Variants in WWOX observed in about 807,000 individuals in gnomAD.
The protein encoded by WWOX is WW domain-containing oxidoreductase.
WWOX carries 69 observed loss-of-function variants against 46.2 expected under a neutral mutation model. The observed-to-expected ratio is 1.49, with a 90% CI of 1.23 to 1.82. WWOX has a LOEUF of 1.82. Ranked by LOEUF, WWOX falls within the 40% of genes most tolerant of loss-of-function variation. WWOX has a pLI of 0.00. For synonymous variants in WWOX, 359 were observed against 202.6 expected (o/e 1.77, Z -6.56); for missense variants, 919 against 542.6 (o/e 1.69, Z -6.89).
intron 8 of WWOX, among the ~76,000 whole-genome samples, chr16:78,568,208 G>A (rs1166776121): frequency 6.6e-6 from 1 of 151,946 alleles, no homozygotes; most frequent in African/African-American, 2.4e-5. Context: ...GAACAACATC[G>A]GCTGTGCATA....
chr16:78,936,721 C>G (rs568364796), intron 8 of WWOX, among the ~76,000 whole-genome samples: 1 of 152,118 alleles, frequency 6.6e-6, no homozygotes, highest in African/African-American at 2.4e-5. Flanking sequence ...TCAGCAATCA[C>G]AGTTTCCAGA....
intron 8 of WWOX, among the ~76,000 whole-genome samples, chr16:79,163,301 G>A (rs145268211): frequency 1.2e-4 from 18 of 152,288 alleles, no homozygotes; most frequent in African/African-American, 3.8e-4. Context: ...TCCAAGCATT[G>A]AAAACTGCGT....
chr16:78,727,075 G>C (rs752248172), intron 8 of WWOX, among the ~76,000 whole-genome samples: 2 of 152,164 alleles, frequency 1.3e-5, no homozygotes, highest in East Asian at 3.9e-4. Context: ...GCCCTTGGCA[G>C]ACCATGCAGA....
intron 8 of WWOX, among the ~76,000 whole-genome samples, chr16:78,775,531 A>G (rs73573792): frequency 6.6e-6 from 1 of 152,190 alleles, no homozygotes; most frequent in African/African-American, 2.4e-5. Context: ...GTATCAAGGG[A>G]GAGTATGGGC....
At chr16:78,215,394 C>G (rs2036686954) in intron 5 of WWOX, among the ~76,000 whole-genome samples, 1 of 152,174 alleles carries the variant, frequency 6.6e-6, no homozygotes, top group Non-Finnish European at 1.5e-5. Flanking sequence ...TTCCCTCATG[C>G]TGTTCTCGTG....
intron 5 of WWOX, among the ~76,000 whole-genome samples, chr16:78,202,352 C>T (rs2036257290): frequency 6.6e-6 from 1 of 152,252 alleles, no homozygotes; most frequent in Non-Finnish European, 1.5e-5. Context: ...CCTCATCCTT[C>T]TGTTCCCTTC....
At chr16:78,425,213 C>T (rs896064560) in intron 7 of WWOX, among the ~76,000 whole-genome samples, 158 bp downstream of exon 7, 4 of 151,878 alleles carry the variant, frequency 2.6e-5, no homozygotes, top group African/African-American at 4.8e-5. Flanking sequence ...CTTTTTTGTT[C>T]GCCTGTGATT....
chr16:78,709,948 C>G (rs933584354), intron 8 of WWOX, among the ~76,000 whole-genome samples: 8 of 152,096 alleles, frequency 5.3e-5, no homozygotes, highest in Admixed American at 1.3e-4. Context: ...CCAGGATGGT[C>G]TTGAACCCCT....
chr16:79,123,148 A>G (rs1012792097), intron 8 of WWOX, among the ~76,000 whole-genome samples: 1 of 152,106 alleles, frequency 6.6e-6, no homozygotes, highest in African/African-American at 2.4e-5. Context: ...GGGAAGCAAC[A>G]GAGTACCCAC....
intron 5 of WWOX, among the ~76,000 whole-genome samples, chr16:78,227,880 A>C (rs114054219): frequency 0.022 from 3,349 of 152,150 alleles, 122 homozygotes; most frequent in African/African-American, 0.077. Flanking sequence ...TGTCTCAAAA[A>C]ACAAACAAAA....
At position 78,959,774 on chromosome 16, in the gene WWOX, A is replaced by G. The variant is rs375615191; in HGVS notation, c.1057-251834A>G. Among the ~76,000 whole-genome samples, 9 of 152,296 alleles carry G rather than the reference A, an allele frequency of 5.9e-5. 1 individual carries two copies. The highest frequency in any genetic ancestry group is 1.7e-4 in the African/African-American group (7 of 41,556). On this transcript the variant is annotated intron_variant, in intron 8 of 8. Transcript: ENST00000566780. ...TGCCCATATTGATGAATCCGAGACAAGTGAGGGAAAGATGTCCTCTGTCGG... is the reference window on the plus strand; with the variant it reads ...TGCCCATATTGATGAATCCGAGACAGGTGAGGGAAAGATGTCCTCTGTCGG...
Position 78,230,132 on chromosome 16 carries a change from G to A in WWOX, c.516+65843G>A, listed in dbSNP as rs867649625. The stretch of plus-strand genomic sequence containing the variant: ...TGGGCTCTAGCAATCCTCCCACCTC[G>A]GCCTCCCAAAGTGTTGGGATTACAG... On this transcript the variant is annotated intron_variant, in intron 5 of 8. Transcript: ENST00000566780. Among the ~76,000 whole-genome samples, 9 of 150,928 alleles carry A rather than the reference G, an allele frequency of 6.0e-5. No individual in the cohort carries two copies. The South Asian group carries it at 1.1e-3, about 18-fold the overall frequency.
chr16:78,280,575 A>C lies in WWOX; in HGVS notation c.517-106285A>C, dbSNP rs113579800. On this transcript the variant is annotated intron_variant, in intron 5 of 8. Transcript: ENST00000566780. ...AGCATAGCGGCTTCTGCTTCTGGGG[A>C]GGCCTCAGGAAACTTACAATCATGG... is the stretch of plus-strand genomic sequence containing the variant. Among the ~76,000 whole-genome samples, 8 of 150,138 alleles carry C rather than the reference A, an allele frequency of 5.3e-5. 1 individual carries two copies. Among genetic ancestry groups the C allele is most frequent in the African/African-American group, 2.0e-4 (8 of 40,778 alleles).
chr16:78,391,268 C>G (rs572019531), intron 6 of WWOX, among the ~76,000 whole-genome samples: 2 of 152,166 alleles, frequency 1.3e-5, no homozygotes, highest in Non-Finnish European at 2.9e-5. Context: ...TGCTAGGCAA[C>G]TTGTTGTTTG....
chr16:78,629,549 A>G (rs1459408587), intron 8 of WWOX, among the ~76,000 whole-genome samples: 8 of 152,198 alleles, frequency 5.3e-5, no homozygotes, highest in Non-Finnish European at 1.5e-5. Flanking sequence ...TTAGGATAAA[A>G]TAACAAAATC....
At chr16:79,011,135 C>CCACA (rs10611855) in intron 8 of WWOX, among the ~76,000 whole-genome samples, 6,786 of 146,180 alleles carry the variant, frequency 0.046, 173 homozygotes, top group Non-Finnish European at 0.058. Flanking sequence ...ACTCACACAT[C>CCACA]CACACACACA....
intron 5 of WWOX, among the ~76,000 whole-genome samples, chr16:78,378,905 TTTC>T (rs2081890552): frequency 6.6e-6 from 1 of 152,236 alleles, no homozygotes; most frequent in Non-Finnish European, 1.5e-5. Flanking sequence ...ATGATGTTAA[TTTC>T]TTCAGAGCTT....
chr16:78,286,298 C>A (rs1342551288), intron 5 of WWOX, among the ~76,000 whole-genome samples: 1 of 152,144 alleles, frequency 6.6e-6, no homozygotes, highest in Non-Finnish European at 1.5e-5. Context: ...ATATGGTTGC[C>A]CAGTGGGCGA....
chr16:78,716,386 G>C (rs1384944444), intron 8 of WWOX, among the ~76,000 whole-genome samples: 1 of 152,124 alleles, frequency 6.6e-6, no homozygotes, highest in Non-Finnish European at 1.5e-5. Context: ...GTACATTGCT[G>C]TTCTAAGCCA....
Sources: allele counts gnomAD v4.1 joint callset (sites outside exome capture counted in the v4.1 genomes callset), GRCh38; gene constraint gnomAD v4.1.1; transcripts MANE v1.5; gene names NCBI Gene and HGNC (gene_info 2026-07-23, HGNC 2026-07-21).